CARMIL1: variants seen among roughly 807,000 people sequenced by gnomAD.
CARMIL1 encodes F-actin-uncapping protein LRRC16A.
CARMIL1 carries 90 observed loss-of-function variants against 177.1 expected under a neutral mutation model. The ratio of observed to expected loss-of-function variants is 0.51; its 90% CI spans 0.43 to 0.61. The LOEUF (loss-of-function observed/expected upper bound fraction) is 0.61. Ranked by LOEUF, CARMIL1 falls within the 20% of genes least tolerant of loss-of-function variation. The probability of loss-of-function intolerance (pLI) is 0.00; values close to 1 mark genes in which losing one functional copy is unlikely to be tolerated. For synonymous variants in CARMIL1, 577 were observed against 606.2 expected (o/e 0.95, Z 0.71); for missense variants, 1,380 against 1,667.0 (o/e 0.83, Z 3.00).
At chr6:25,402,074 C>T (rs540438185) in intron 2 of CARMIL1, among the ~76,000 whole-genome samples, 1 of 149,480 alleles carries the variant, frequency 6.7e-6, no homozygotes, top group East Asian at 2.0e-4. Context: ...TATATATTTA[C>T]ACTGTGAAAT....
chr6:25,593,913 C>T (rs1814564330), intron 31 of CARMIL1, among the ~76,000 whole-genome samples: 1 of 152,178 alleles, frequency 6.6e-6, no homozygotes, highest in African/African-American at 2.4e-5. Flanking sequence ...TATCCATAAT[C>T]TGACTCTAGG....
At chr6:25,443,611 A>C (rs1317925179) in intron 5 of CARMIL1, among the ~76,000 whole-genome samples, 6 of 152,218 alleles carry the variant, frequency 3.9e-5, no homozygotes, top group Non-Finnish European at 7.3e-5. Flanking sequence ...ACGTTTACTA[A>C]AGTATGCAAT....
rs1455955853 is a variant in CARMIL1, at chr6:25,294,200, G to C, written c.138+9291G>C. 3.3e-5 allele frequency among the ~76,000 whole-genome samples: 5 copies of C among 152,222 alleles called. No homozygotes were observed. The East Asian group carries it at 9.6e-4, about 29-fold the overall frequency. On this transcript the variant is annotated intron_variant, in intron 2 of 36. Transcript: ENST00000329474. Reference sequence around the variant, plus strand: ...CAGCCTTTGGCAAGGGTTTGAGACAGATGTGCTTAGTTCCTGCTAAGAAGG... The same window carrying C: ...CAGCCTTTGGCAAGGGTTTGAGACACATGTGCTTAGTTCCTGCTAAGAAGG...
intron 16 of CARMIL1, among the ~76,000 whole-genome samples, chr6:25,497,682 G>A (rs1364526209): frequency 1.3e-5 from 2 of 152,170 alleles, no homozygotes; most frequent in Non-Finnish European, 2.9e-5. Flanking sequence ...GTTTCTCTAA[G>A]GGTTTGGGAT....
chr6:25,461,020 G>C (rs1008842928), intron 8 of CARMIL1, among the ~76,000 whole-genome samples: 11 of 152,086 alleles, frequency 7.2e-5, no homozygotes, highest in Non-Finnish European at 1.5e-4. Context: ...TAATCTTTGT[G>C]TTCCTTTATA....
At chr6:25,329,432 C>T (rs1785407787) in intron 2 of CARMIL1, among the ~76,000 whole-genome samples, 1 of 152,180 alleles carries the variant, frequency 6.6e-6, no homozygotes, top group African/African-American at 2.4e-5. Flanking sequence ...GTCGTTTTTT[C>T]CACAGAGCCG....
chr6:25,364,720 C>T (rs1282199924), intron 2 of CARMIL1, among the ~76,000 whole-genome samples: 5 of 152,028 alleles, frequency 3.3e-5, no homozygotes, highest in East Asian at 1.9e-4. Context: ...CCCGCCACCA[C>T]GCCCGGCTAA....
intron 26 of CARMIL1, among the ~76,000 whole-genome samples, chr6:25,540,664 C>G (rs1018819564): frequency 6.6e-6 from 1 of 152,156 alleles, no homozygotes; most frequent in Non-Finnish European, 1.5e-5. Context: ...AAAGTAACTT[C>G]AAGAAACAGC....
chr6:25,376,883 A>G (rs550235347), intron 2 of CARMIL1, among the ~76,000 whole-genome samples: 4 of 152,184 alleles, frequency 2.6e-5, no homozygotes, highest in Admixed American at 2.6e-4. Context: ...AGTGAAATGC[A>G]CTGAGGTCTT....
chr6:25,431,093 C>G (rs920090357), intron 4 of CARMIL1, among the ~76,000 whole-genome samples: 1 of 152,108 alleles, frequency 6.6e-6, no homozygotes, highest in Non-Finnish European at 1.5e-5. Flanking sequence ...TATACATGTG[C>G]CATGCTGGTG....
chr6:25,412,300 G>C (rs991808516), intron 2 of CARMIL1, among the ~76,000 whole-genome samples: 7 of 152,252 alleles, frequency 4.6e-5, no homozygotes, highest in African/African-American at 1.4e-4. Flanking sequence ...AGAGCCTGGT[G>C]CAGTGGCTTG....
intron 8 of CARMIL1, among the ~76,000 whole-genome samples, chr6:25,451,400 G>C (rs1447317163): frequency 6.6e-6 from 1 of 152,084 alleles, no homozygotes; most frequent in Non-Finnish European, 1.5e-5. Flanking sequence ...ATGACTTTTA[G>C]TTCAGAGTTT....
At chr6:25,397,310 G>C (rs1291921639) in intron 2 of CARMIL1, among the ~76,000 whole-genome samples, 1 of 152,154 alleles carries the variant, frequency 6.6e-6, no homozygotes, top group Admixed American at 6.5e-5. Flanking sequence ...GTCTGCCAAG[G>C]GGGCCTTGCA....
chr6:25,414,155 G>A (rs1296709961), intron 2 of CARMIL1, among the ~76,000 whole-genome samples: 2 of 152,142 alleles, frequency 1.3e-5, no homozygotes, highest in Admixed American at 6.6e-5. Flanking sequence ...TCTCTTGTAT[G>A]AGGCACCTCA....
chr6:25,614,315 C>G (rs1816733079), intron 36 of CARMIL1, among the ~76,000 whole-genome samples: 1 of 152,190 alleles, frequency 6.6e-6, no homozygotes, highest in Non-Finnish European at 1.5e-5. Context: ...AAGGTTAAAA[C>G]ATTGTTTGGG....
In CARMIL1 at chr6:25,600,735, T is replaced by G; in HGVS notation, c.3541T>G (p.Cys1181Gly). 6.5e-7 allele frequency: 1 copy of G among 1,535,896 alleles called. No individual in the cohort carries two copies. The highest frequency in any genetic ancestry group is 8.7e-7 in the Non-Finnish European group (1 of 1,144,738). ...MKAKQEKRAA[C>G]AQKKLGNDAV... The stretch of plus-strand genomic sequence containing the variant: ...AGCCAAGCAAGAGAAGAGAGCTGCG[T>G]GTGCGCAGAAGGTAAGGGTGGACCT... The change falls in exon 33 of 37, where the codon TGT (cysteine) becomes GGT (glycine). Residue 1181 changes from cysteine to glycine, a missense_variant. Coordinates refer to ENST00000329474, the MANE Select transcript of CARMIL1 (RefSeq NM_017640.6).
intron 26 of CARMIL1, among the ~76,000 whole-genome samples, chr6:25,548,022 AT>A (rs1809686787): frequency 6.6e-6 from 1 of 152,142 alleles, no homozygotes; most frequent in Admixed American, 6.6e-5. Flanking sequence ...CCAAGAAAAC[AT>A]TGTGTGCAAA....
At chr6:25,528,936 T>C in intron 24 of CARMIL1, 43 bp downstream of exon 24, 5 of 1,460,716 alleles carry the variant, frequency 3.4e-6, no homozygotes, top group Non-Finnish European at 4.7e-6. Flanking sequence ...TATTCTTAAC[T>C]GACCCTCTGA....
At chr6:25,491,206 A>G (rs1007873090) in intron 13 of CARMIL1, among the ~76,000 whole-genome samples, 2 of 152,214 alleles carry the variant, frequency 1.3e-5, no homozygotes, top group South Asian at 4.1e-4. Flanking sequence ...AAATTTTTAA[A>G]AAAGCACTCA....
Sources: allele counts gnomAD v4.1 joint callset (sites outside exome capture counted in the v4.1 genomes callset), GRCh38; gene constraint gnomAD v4.1.1; transcripts MANE v1.5; gene names NCBI Gene and HGNC (gene_info 2026-07-23, HGNC 2026-07-21).